The following CISD2 variants were observed in gnomAD, a reference collection of about 807,000 sequenced individuals.
CISD2 encodes the protein CDGSH iron-sulfur domain-containing protein 2.
A neutral mutation model predicts 12.9 loss-of-function variants in CISD2; 1 was observed. The ratio of observed to expected loss-of-function variants is 0.08; its 90% CI spans 0.03 to 0.37. The LOEUF is 0.37. Among genes scored for constraint, CISD2 ranks in the 10% least tolerant of loss-of-function variants. CISD2 has a pLI of 0.99. For missense variants in CISD2, 97 were observed against 163.1 expected (o/e 0.59, Z 2.21); for synonymous variants, 50 against 60.6 (o/e 0.83, Z 0.81).
intron 1 of CISD2, among the ~76,000 whole-genome samples, chr4:102,881,829 C>T (rs934015953): frequency 1.3e-5 from 2 of 152,134 alleles, no homozygotes; most frequent in East Asian, 1.9e-4. Context: ...GATTTTAAAA[C>T]AGTAGTAATA....
chr4:102,872,502 T>C (rs223330), intron 1 of CISD2, among the ~76,000 whole-genome samples: 87,486 of 152,016 alleles, frequency 0.58, 26,464 homozygotes, highest in African/African-American at 0.78. Flanking sequence ...ATAAAATAAC[T>C]AGCAACCAAG....
chr4:102,878,845 G>A (rs1733650048), intron 1 of CISD2, among the ~76,000 whole-genome samples: 2 of 152,106 alleles, frequency 1.3e-5, no homozygotes, highest in Admixed American at 6.5e-5. Flanking sequence ...CCAACTCTCT[G>A]TTGTAGCAAT....
At chr4:102,885,107 G>T in intron 1 of CISD2, 109 bp from the exon 2 acceptor site, 2 of 879,640 alleles carry the variant, frequency 2.3e-6, no homozygotes, top group Non-Finnish European at 1.9e-6. Context: ...CCATTAAAAA[G>T]GAATTAATGT....
rs190765542 is a variant in CISD2, at chr4:102,890,251, A to G, written c.*2821A>G. The G allele has an allele frequency of 1.3e-5, 2 of 152,358 alleles. No homozygotes were observed. The highest frequency in any genetic ancestry group is 3.9e-4 in the East Asian group (2 of 5,190). 9.4% of individuals were successfully genotyped at this position (152,358 alleles called of 1,614,324 possible). On this transcript the variant is annotated 3_prime_UTR_variant, in exon 3 of 3. Transcript: ENST00000273986. ...TATTTTGTAACCTAATTTGTTAATA[A>G]GTAAGTTACAGGAAGCCAATTAAGC...
chr4:102,883,455 C>T (rs1733775552), intron 1 of CISD2, among the ~76,000 whole-genome samples: 1 of 152,192 alleles, frequency 6.6e-6, no homozygotes, highest in Admixed American at 6.5e-5. Flanking sequence ...CTGATCAACC[C>T]TAGTACCTCT....
In CISD2 at chr4:102,890,450, A is replaced by G. The variant is rs1185833271; in HGVS notation, c.*3020A>G. The G allele has an allele frequency of 2.0e-5, 3 of 152,212 alleles. No individual in the cohort carries two copies. The East Asian group carries it at 5.8e-4, about 29-fold the overall frequency. The allele number at this position is 152,212 out of a possible 1,614,324, so 9.4% of individuals were successfully genotyped here. The stretch of plus-strand genomic sequence containing the variant: ...CTACCAAAGAAGCCTAAGTAATTGT[A>G]TAATACTTAACCCATTTAGAATTCA... On this transcript the variant is annotated 3_prime_UTR_variant, in exon 3 of 3. Coordinates refer to ENST00000273986, the MANE Select transcript of CISD2 (RefSeq NM_001008388.5).
chr4:102,879,406 T>C (rs1733664636), intron 1 of CISD2, among the ~76,000 whole-genome samples: 1 of 152,138 alleles, frequency 6.6e-6, no homozygotes, highest in African/African-American at 2.4e-5. Context: ...GCAAACTTTC[T>C]GGGGCAATGG....
intron 1 of CISD2, among the ~76,000 whole-genome samples, chr4:102,876,057 T>G (rs961256563): frequency 1.3e-5 from 2 of 152,216 alleles, no homozygotes; most frequent in Admixed American, 6.5e-5. Context: ...TTTATAACAG[T>G]TACTATAGTC....
chr4:102,869,304 C>CCGCGCGCAGAGGAAGGTGGG (rs1733353953), intron 1 of CISD2, 117 bp downstream of exon 1: 5 of 1,400,906 alleles, frequency 3.6e-6, no homozygotes, highest in Non-Finnish European at 4.9e-6. Flanking sequence ...CACGTGATCC[C>CCGCGCGCAGAGGAAGGTGGG]CGCGCGCAGA....
At chr4:102,872,688 A>G (rs1168549471) in intron 1 of CISD2, among the ~76,000 whole-genome samples, 1 of 146,684 alleles carries the variant, frequency 6.8e-6, no homozygotes, top group African/African-American at 2.7e-5. Context: ...GCTATTATTA[A>G]AAAATGTTTT....
chr4:102,885,999 G>C (rs1459951889), intron 2 of CISD2, among the ~76,000 whole-genome samples: 1 of 152,114 alleles, frequency 6.6e-6, no homozygotes, highest in African/African-American at 2.4e-5. Context: ...TCTGTTTCTT[G>C]TACTTGATCA....
At chr4:102,881,204 A>G (rs917788396) in intron 1 of CISD2, among the ~76,000 whole-genome samples, 1 of 152,098 alleles carries the variant, frequency 6.6e-6, no homozygotes, top group African/African-American at 2.4e-5. Flanking sequence ...GAAATATTCT[A>G]TGTACTCATT....
chr4:102,889,423 T>TATCA lies in CISD2; in HGVS notation c.*1994_*1997dup, dbSNP rs1300026272. 2.0e-5 allele frequency: 3 copies of TATCA among 152,208 alleles called. No homozygotes were observed. The highest frequency in any genetic ancestry group is 7.2e-5 in the African/African-American group (3 of 41,466). The allele number at this position is 152,208 out of a possible 1,614,324, so 9.4% of individuals were successfully genotyped here. ...GAAATGCTCTTCTTTTTGTAAAATC[T>TATCA]ATCACTGCATCTCACAGCAACTTGT... On this transcript the variant is annotated 3_prime_UTR_variant, in exon 3 of 3. Transcript: ENST00000273986.
At position 102,888,344 on chromosome 4, in the gene CISD2, G is replaced by C. The variant is rs1734046468; in HGVS notation, c.*914G>C. On this transcript the variant is annotated 3_prime_UTR_variant, in exon 3 of 3. Transcript: ENST00000273986. ...TATACCAAAATCTGCCCATACTCAAGTCCCACAGAAAGTCTTGCAGAACCC... is the reference window on the plus strand; with the variant it reads ...TATACCAAAATCTGCCCATACTCAACTCCCACAGAAAGTCTTGCAGAACCC... 6.6e-6 allele frequency: 1 copy of C among 152,118 alleles called. No individual in the cohort carries two copies. The highest frequency in any genetic ancestry group is 6.6e-5 in the Admixed American group (1 of 15,260). 9.4% of individuals were successfully genotyped at this position (152,118 alleles called of 1,614,324 possible).
intron 1 of CISD2, among the ~76,000 whole-genome samples, chr4:102,873,379 C>T (rs223328): frequency 0.54 from 82,804 of 151,942 alleles, 23,160 homozygotes; most frequent in African/African-American, 0.68. Flanking sequence ...TCAAGCCATC[C>T]TCCCACCTCA....
intron 1 of CISD2, among the ~76,000 whole-genome samples, chr4:102,878,762 A>C (rs1421418987): frequency 1.3e-5 from 2 of 152,076 alleles, no homozygotes; most frequent in African/African-American, 2.4e-5. Flanking sequence ...GAGCCCTCCA[A>C]AGTGTTCCAA....
intron 1 of CISD2, among the ~76,000 whole-genome samples, chr4:102,875,996 C>G (rs1022807265): frequency 6.6e-6 from 1 of 152,136 alleles, no homozygotes; most frequent in Non-Finnish European, 1.5e-5. Flanking sequence ...TTGCAGCCAC[C>G]CTACTGCTTT....
chr4:102,870,400 T>C (rs1733405659), intron 1 of CISD2, among the ~76,000 whole-genome samples: 1 of 151,926 alleles, frequency 6.6e-6, no homozygotes, highest in Non-Finnish European at 1.5e-5. Flanking sequence ...ACAAAAAGAC[T>C]CTGGTGGTGG....
At chr4:102,869,572 C>A (rs1041867299) in intron 1 of CISD2, 17 of 698,310 alleles carry the variant, frequency 2.4e-5, no homozygotes, top group East Asian at 1.9e-4. Context: ...CCTCATGTAA[C>A]AGGCAGCCCC....
Sources: gnomAD v4.1 joint callset for allele counts (sites outside exome capture counted in the v4.1 genomes callset) on GRCh38, gnomAD v4.1.1 for gene constraint, MANE v1.5 for transcripts, NCBI Gene and HGNC (gene_info 2026-07-23, HGNC 2026-07-21) for gene names.